Variants in PAK3 observed in about 807,000 individuals in gnomAD.
PAK3 encodes the protein serine/threonine-protein kinase PAK 3.
A neutral mutation model predicts 41.0 loss-of-function variants in PAK3; 4 were observed. That is an observed-to-expected ratio of 0.10 (90% CI 0.05 to 0.22). PAK3 has a LOEUF of 0.22. Ranked by LOEUF, PAK3 falls within the 10% of genes least tolerant of loss-of-function variation. PAK3 has a pLI of 1.00. For missense variants in PAK3, 205 were observed against 409.9 expected, an observed-to-expected ratio of 0.50 and a Z score of 4.32; for synonymous variants, 146 against 139.6, an observed-to-expected ratio of 1.05 and a Z score of -0.32.
At chrX:111,037,039 G>A (rs972806430) in intron 1 of PAK3, among the ~76,000 whole-genome samples, 2 of 111,533 alleles carry the variant, frequency 1.8e-5, no homozygotes, top group African/African-American at 6.5e-5. Context: ...CTGCCTCCGA[G>A]GTTCAAGTGA....
intron 1 of PAK3, among the ~76,000 whole-genome samples, chrX:110,970,868 T>C (rs1423611496): frequency 8.9e-6 from 1 of 112,147 alleles, no homozygotes; most frequent in African/African-American, 3.2e-5. Context: ...CATATTATTC[T>C]GTGTAGATGA....
intron 1 of PAK3, among the ~76,000 whole-genome samples, chrX:110,996,131 G>A (rs1366185566): frequency 1.8e-5 from 2 of 112,023 alleles, no homozygotes; most frequent in Admixed American, 9.5e-5. Flanking sequence ...TCTGAGAATG[G>A]AACTCAGCTA....
At chrX:111,120,890 G>A (rs1042849718) in intron 4 of PAK3, among the ~76,000 whole-genome samples, 1 of 111,859 alleles carries the variant, frequency 8.9e-6, no homozygotes, top group African/African-American at 3.3e-5. Context: ...CTTGTCTCTG[G>A]TGGCAAATTT....
At chrX:111,027,541 C>A (rs1367407758) in intron 1 of PAK3, among the ~76,000 whole-genome samples, 1 of 111,813 alleles carries the variant, frequency 8.9e-6, no homozygotes, top group Non-Finnish European at 1.9e-5. Flanking sequence ...AGAAGATACA[C>A]AAATGGCCAA....
At chrX:110,981,193 T>C (rs2091441591) in intron 1 of PAK3, among the ~76,000 whole-genome samples, 1 of 111,651 alleles carries the variant, frequency 9.0e-6, no homozygotes, top group Non-Finnish European at 1.9e-5. Context: ...CAGAGGCCAG[T>C]ATATTCTTTA....
Position 111,030,615 on chromosome X carries a change from G to T in PAK3, c.-28+85987G>T, listed in dbSNP as rs1187234623. 2.7e-5 allele frequency among the ~76,000 whole-genome samples: 3 copies of T among 111,244 alleles called. 1 individual carries two copies. The highest frequency in any genetic ancestry group is 5.7e-5 in the Non-Finnish European group (3 of 53,037). ...TTGAATGTATGGATCATAGATGAAT[G>T]AATGGATAGTTGAAGGGATGTTGGA... On this transcript the variant is annotated intron_variant, in intron 1 of 14. Transcript: ENST00000425146.
In PAK3 at chrX:111,163,737, T is replaced by A. The variant is rs1395427617; in HGVS notation, c.766+10T>A. ...ATCTTAGAGAAGCTAAGTGAGTACT[T>A]CTTGCCATGATTACTTTCTACACGG... is the stretch of plus-strand genomic sequence containing the variant. On this transcript the variant is annotated intron_variant, in intron 10 of 17. Coordinates refer to ENST00000372007, the MANE Select transcript of PAK3 (RefSeq NM_002578.5). 3.5e-6 allele frequency: 4 copies of A among 1,154,433 alleles called. No homozygotes were observed. In the Admixed American group the frequency reaches 6.6e-5, roughly 19 times the overall value.
chrX:111,111,325 G>A (rs184528722), intron 4 of PAK3, among the ~76,000 whole-genome samples: 112 of 111,736 alleles, frequency 1.0e-3, no homozygotes, highest in African/African-American at 3.3e-3. Context: ...ACTTTTCAAA[G>A]ACAAGATGCT....
chrX:111,216,087 C>T (rs374032921), intron 16 of PAK3, among the ~76,000 whole-genome samples: 14 of 112,082 alleles, frequency 1.2e-4, no homozygotes, highest in African/African-American at 4.5e-4. Flanking sequence ...TTTAGAGAAA[C>T]AGATTTACAG....
chrX:111,209,517 C>T (rs750252944), intron 16 of PAK3, among the ~76,000 whole-genome samples: 130 of 111,733 alleles, frequency 1.2e-3, no homozygotes, highest in Middle Eastern at 4.6e-3. Context: ...TATGTTAAGT[C>T]GACTTTTAGG....
At position 111,221,084 on chromosome X, in the gene PAK3, G is replaced by T. The variant is rs1360652021; in HGVS notation, c.*637G>T. 9.0e-6 allele frequency: 1 copy of T among 111,409 alleles called. No individual in the cohort carries two copies. The highest frequency in any genetic ancestry group is 2.8e-4 in the East Asian group (1 of 3,588). The allele number at this position is 111,409 out of a possible 1,213,427, so 9.2% of individuals were successfully genotyped here. On this transcript the variant is annotated 3_prime_UTR_variant, in exon 18 of 18. Coordinates refer to ENST00000372007, the MANE Select transcript of PAK3 (RefSeq NM_002578.5). ...AATTTTTTATTCTTCTTCTATAGTG[G>T]TGGCTTGGTTTGTGTACCTATTTTT...
intron 1 of PAK3, among the ~76,000 whole-genome samples, chrX:111,037,280 C>G (rs776366119): frequency 9.0e-6 from 1 of 111,713 alleles, no homozygotes; most frequent in East Asian, 2.8e-4. Flanking sequence ...TTTATAAGCT[C>G]TTTATATATG....
intron 1 of PAK3, among the ~76,000 whole-genome samples, chrX:110,973,970 A>C (rs970608429): frequency 5.4e-5 from 6 of 112,096 alleles, no homozygotes; most frequent in East Asian, 2.8e-4. Context: ...ACAAAGAAGG[A>C]CATTACATAA....
chrX:111,192,303 T>C, intron 12 of PAK3, 128 bp downstream of exon 12: 1 of 553,273 alleles, frequency 1.8e-6, no homozygotes, highest in Non-Finnish European at 3.1e-6. Flanking sequence ...TTTACTTCCT[T>C]GGTGCCCAAA....
intron 4 of PAK3, among the ~76,000 whole-genome samples, chrX:111,107,978 G>A (rs775954824): frequency 1.5e-4 from 17 of 112,009 alleles, no homozygotes; most frequent in African/African-American, 5.5e-4. Context: ...CATAGAGCTA[G>A]GCCCAGAGAT....
chrX:111,032,357 C>T (rs986887176), intron 1 of PAK3, among the ~76,000 whole-genome samples: 14 of 111,775 alleles, frequency 1.3e-4, no homozygotes, highest in Admixed American at 1.1e-3. Context: ...AAAAAAGGAA[C>T]AGTATGTGCA....
chrX:111,136,197 G>A (rs2093787397), intron 5 of PAK3, among the ~76,000 whole-genome samples: 1 of 111,902 alleles, frequency 8.9e-6, no homozygotes, highest in African/African-American at 3.3e-5. Flanking sequence ...AAGTTAGAGT[G>A]GAGTTCTGAA....
intron 1 of PAK3, among the ~76,000 whole-genome samples, chrX:111,035,285 T>G (rs953707072): frequency 1.8e-5 from 2 of 111,435 alleles, no homozygotes; most frequent in African/African-American, 6.5e-5. Context: ...TGATAATATA[T>G]GTACTTGTGG....
chrX:111,062,932 T>C (rs1309900348), intron 1 of PAK3, among the ~76,000 whole-genome samples: 1 of 109,747 alleles, frequency 9.1e-6, no homozygotes, highest in East Asian at 2.9e-4. Flanking sequence ...TAGAGTTGAA[T>C]AGCTTTCCCC....
Sources: allele counts gnomAD v4.1 joint callset (sites outside exome capture counted in the v4.1 genomes callset), GRCh38; gene constraint gnomAD v4.1.1; transcripts MANE v1.5; gene names NCBI Gene and HGNC (gene_info 2026-07-23, HGNC 2026-07-21).